The following TSC1 variants were observed in gnomAD, a reference collection of about 807,000 sequenced individuals.
TSC1 encodes the protein TSC complex subunit 1.
In TSC1, 20 loss-of-function variants were observed where a neutral mutation model predicts 124.3. The ratio of observed to expected loss-of-function variants is 0.16; its 90% CI spans 0.11 to 0.23. The LOEUF (loss-of-function observed/expected upper bound fraction) is 0.23, where lower values mean the gene tolerates loss of function less well. TSC1 is among the 10% of genes least tolerant of loss of function. TSC1 has a pLI of 1.00. For synonymous variants in TSC1, 493 were observed against 539.1 expected (o/e 0.91, Z 1.19); for missense variants, 1,124 against 1,448.5 (o/e 0.78, Z 3.64).
Position 132,923,125 on chromosome 9 carries a change from A to C in TSC1, c.508+223T>G, listed in dbSNP as rs971637231. Among the ~76,000 whole-genome samples, 3 of 152,194 alleles carry C rather than the reference A, an allele frequency of 2.0e-5. No homozygotes were observed. The highest frequency in any genetic ancestry group is 7.2e-5 in the African/African-American group (3 of 41,450). The stretch of plus-strand genomic sequence containing the variant: ...CTACCACTCAATTTCTCTGACGACT[A>C]ATCCTTTTAAGCCAAGAAAATAAAA... On this transcript the variant is annotated intron_variant, in intron 6 of 22. Transcript: ENST00000298552. The surrounding 1 kb of genome is among the most constrained non-coding windows in gnomAD (Gnocchi z 4.2).
chr9:132,908,146 G>A (rs1845765345), intron 12 of TSC1, among the ~76,000 whole-genome samples: 1 of 150,390 alleles, frequency 6.6e-6, no homozygotes, highest in Non-Finnish European at 1.5e-5. Flanking sequence ...CTTTTACGAG[G>A]CATAATTATT....
intron 2 of TSC1, among the ~76,000 whole-genome samples, chr9:132,932,173 A>G (rs1312582304): frequency 6.6e-6 from 1 of 152,244 alleles, no homozygotes; most frequent in African/African-American, 2.4e-5. Context: ...GGCCACATAC[A>G]GTGCACAGTA....
At chr9:132,904,716 G>A (rs563825439) in intron 15 of TSC1, among the ~76,000 whole-genome samples, 1 of 152,302 alleles carries the variant, frequency 6.6e-6, no homozygotes, top group Non-Finnish European at 1.5e-5. Context: ...AGAGCGGAGA[G>A]GGTTGCAGGC....
rs1411711162 is a variant in TSC1 at position 132,906,068 on chromosome 9, C to A, written c.1510G>T (p.Asp504Tyr). 2 of 1,613,940 alleles carry A rather than the reference C, an allele frequency of 1.2e-6. No homozygotes were observed. The highest frequency in any genetic ancestry group is 2.2e-5 in the South Asian group (2 of 91,066). ...AGACTGTCTCGGTAAAAGGGAGAGT[C>A]AAAGCCTCCTCGAGGAACCACAGGC... ...AEPVVPRGGF[D>Y]SPFYRDSLPG... is the part of the protein sequence containing the mutation. Residue 504 changes from aspartate to tyrosine, a missense_variant, in exon 15 of 23, where the codon GAC becomes TAC. This residue lies in a region of TSC1 where 9 missense variants were observed against 34.2 expected (regional missense o/e 0.26). Transcript: ENST00000298552. This position sits in a 1 kb window ranked among gnomAD's most constrained non-coding sequence, Gnocchi z 4.1.
chr9:132,944,390 G>T (rs1222221254), intron 1 of TSC1, among the ~76,000 whole-genome samples, 153 bp downstream of exon 1: 1 of 152,128 alleles, frequency 6.6e-6, no homozygotes, highest in African/African-American at 2.4e-5. Context: ...AAGAGGGAGG[G>T]GAGAGCTCTC....
At chr9:132,905,022 G>C (rs1273846611) in intron 15 of TSC1, among the ~76,000 whole-genome samples, 2 of 152,172 alleles carry the variant, frequency 1.3e-5, no homozygotes, top group Non-Finnish European at 2.9e-5. Context: ...CACCTGTAAA[G>C]TAGCTAATAA....
At position 132,903,129 on chromosome 9, in the gene TSC1, T is replaced by C. The variant is rs1473541382; in HGVS notation, c.2209-342A>G. The stretch of plus-strand genomic sequence containing the variant: ...GAGCATTTACTGAATGCTTGCAGTG[T>C]GCTGGGCGCTCAGCAAGGGCTTACC... On this transcript the variant is annotated intron_variant, in intron 17 of 22. Transcript: ENST00000298552. This position sits in a 1 kb window ranked among gnomAD's most constrained non-coding sequence, Gnocchi z 5.9. Among the ~76,000 whole-genome samples, 1 of 152,244 alleles carries C rather than the reference T, an allele frequency of 6.6e-6. No individual in the cohort carries two copies. Among genetic ancestry groups the C allele is most frequent in the Non-Finnish European group, 1.5e-5 (1 of 68,036 alleles).
At position 132,906,983 on chromosome 9, in the gene TSC1, C is replaced by A; in HGVS notation, c.1334-148G>T. On this transcript the variant is annotated intron_variant, in intron 13 of 22. Coordinates refer to ENST00000298552, the MANE Select transcript of TSC1 (RefSeq NM_000368.5). The surrounding 1 kb of genome is among the most constrained non-coding windows in gnomAD (Gnocchi z 4.1). The stretch of plus-strand genomic sequence containing the variant: ...ACATGGCTCTGTCCTGGGGATACTA[C>A]AAAAGACTGAAATATTAAAAATAAT... 1.4e-6 allele frequency: 1 copy of A among 697,182 alleles called. No homozygotes were observed. The highest frequency in any genetic ancestry group is 2.5e-6 in the Non-Finnish European group (1 of 405,552). 43.2% of individuals were successfully genotyped at this position (697,182 alleles called of 1,614,324 possible).
In TSC1 at chr9:132,923,546, C is replaced by T. The variant is rs374758997; in HGVS notation, c.364-54G>A. 5.2e-5 allele frequency: 84 copies of T among 1,612,472 alleles called. No homozygotes were observed. Among genetic ancestry groups the T allele is most frequent in the African/African-American group, 1.6e-4 (12 of 75,000 alleles). ...GTCTGTCAGGCACTGGCACCAGGATCGGCATTGTACAGTACATGAAGAGGC... is the reference window on the plus strand; with the variant it reads ...GTCTGTCAGGCACTGGCACCAGGATTGGCATTGTACAGTACATGAAGAGGC... On this transcript the variant is annotated intron_variant, in intron 5 of 22. Transcript: ENST00000298552. The surrounding 1 kb of genome is among the most constrained non-coding windows in gnomAD (Gnocchi z 4.2).
chr9:132,922,805 G>T (rs1212856755), intron 6 of TSC1, among the ~76,000 whole-genome samples: 1 of 151,758 alleles, frequency 6.6e-6, no homozygotes, highest in South Asian at 2.1e-4. Flanking sequence ...ATAACCCAAA[G>T]ATTCCAAATT....
chr9:132,921,515 TAAAAG>T lies in TSC1; in HGVS notation c.664-84_664-80del, dbSNP rs1846553405. 4 of 1,515,666 alleles carry T rather than the reference TAAAAG, an allele frequency of 2.6e-6. No homozygotes were observed. The African/African-American group carries it at 5.5e-5, about 21-fold the overall frequency. 93.9% of individuals were successfully genotyped at this position (1,515,666 alleles called of 1,614,324 possible). On this transcript the variant is annotated intron_variant, in intron 7 of 22. Transcript: ENST00000298552. The surrounding 1 kb of genome is among the most constrained non-coding windows in gnomAD (Gnocchi z 4.3). ...AAATGATGGAATATTAGTTGACAAT[TAAAAG>T]GAATGAAGTACTGATACATGTTATA...
At position 132,894,820 on chromosome 9, in the gene TSC1, G is replaced by T. The variant is rs1376256511; in HGVS notation, c.*1415C>A. The T allele has an allele frequency of 1.3e-5, 3 of 227,884 alleles. No individual in the cohort carries two copies. Among genetic ancestry groups the T allele is most frequent in the African/African-American group, 6.7e-5 (3 of 44,892 alleles). The allele number at this position is 227,884 out of a possible 1,614,324, so 14.1% of individuals were successfully genotyped here. The stretch of plus-strand genomic sequence containing the variant: ...AATCCTTCTATTCTTTTTAATGAAA[G>T]ATAGAAACAGGAAAGCCAAGTTCAC... On this transcript the variant is annotated 3_prime_UTR_variant, in exon 23 of 23. Transcript: ENST00000298552.
chr9:132,901,776 A>T, intron 18 of TSC1, 77 bp from the exon 19 acceptor site: 10 of 1,319,642 alleles, frequency 7.6e-6, no homozygotes, highest in Non-Finnish European at 9.8e-6. Context: ...CCACCAGCCC[A>T]CAGAGGACTG....
chr9:132,914,759 C>G (rs904757217), intron 8 of TSC1, among the ~76,000 whole-genome samples: 1 of 151,124 alleles, frequency 6.6e-6, no homozygotes, highest in African/African-American at 2.4e-5. Flanking sequence ...ATCCCAGCTA[C>G]TTGAGTGGCT....
chr9:132,897,155 A>G, intron 22 of TSC1, 29 bp downstream of exon 22: 1 of 1,613,710 alleles, frequency 6.2e-7, no homozygotes. Flanking sequence ...GCTTAGTCCC[A>G]AGGTCATGAA....
chr9:132,906,494 A>G lies in TSC1; in HGVS notation c.1438+237T>C, dbSNP rs943729068. 5.6e-6 allele frequency: 3 copies of G among 532,986 alleles called. No homozygotes were observed. The highest frequency in any genetic ancestry group is 1.0e-5 in the Non-Finnish European group (3 of 298,890). The allele number at this position is 532,986 out of a possible 1,614,324, so 33.0% of individuals were successfully genotyped here. On this transcript the variant is annotated intron_variant, in intron 14 of 22. Transcript: ENST00000298552. The surrounding 1 kb of genome is among the most constrained non-coding windows in gnomAD (Gnocchi z 4.1). ...AGCCTGGGAGGTCAAGGCTGCAGTG[A>G]GCCATGATCGTACCACTGCACTCCA...
At chr9:132,930,517 G>C (rs1473257960) in intron 2 of TSC1, among the ~76,000 whole-genome samples, 1 of 144,846 alleles carries the variant, frequency 6.9e-6, no homozygotes, top group East Asian at 2.1e-4. Flanking sequence ...GAGCCTGGGA[G>C]ACGGAGGTTG....
intron 3 of TSC1, among the ~76,000 whole-genome samples, chr9:132,927,891 G>C (rs1846975064): frequency 1.3e-5 from 2 of 152,090 alleles, no homozygotes; most frequent in African/African-American, 2.4e-5. Context: ...CTATGTAAAA[G>C]TACATAAAAT....
intron 8 of TSC1, among the ~76,000 whole-genome samples, chr9:132,918,853 T>C (rs1846396699): frequency 6.6e-6 from 1 of 151,992 alleles, no homozygotes; most frequent in Non-Finnish European, 1.5e-5. Context: ...ATATAAACAG[T>C]TTACTAGATC....
Sources: gnomAD v4.1 joint callset for allele counts (sites outside exome capture counted in the v4.1 genomes callset) on GRCh38, gnomAD v4.1.1 for gene constraint, gnomAD v4.1.1 regional missense constraint, Gnocchi (gnomAD v3.1) non-coding constraint, MANE v1.5 for transcripts, NCBI Gene and HGNC (gene_info 2026-07-23, HGNC 2026-07-21) for gene names.